RBFOX1: variants seen among roughly 807,000 people sequenced by gnomAD.
RBFOX1 encodes RNA binding protein fox-1 homolog 1.
In RBFOX1, 8 loss-of-function variants were observed where a neutral mutation model predicts 57.7. That is an observed-to-expected ratio of 0.14 (90% CI 0.08 to 0.25). The LOEUF (loss-of-function observed/expected upper bound fraction) is 0.25, where lower values mean the gene tolerates loss of function less well. Ranked by LOEUF, RBFOX1 falls within the 10% of genes least tolerant of loss-of-function variation. RBFOX1 has a pLI of 1.00. For missense variants in RBFOX1, 611 were observed against 548.5 expected (o/e 1.11, Z -1.14); for synonymous variants, 326 against 222.4 (o/e 1.47, Z -4.15).
chr16:7,170,525 G>C (rs1207497644), intron 4 of RBFOX1, among the ~76,000 whole-genome samples: 1 of 152,104 alleles, frequency 6.6e-6, no homozygotes, highest in Non-Finnish European at 1.5e-5. Context: ...TGAGTAGATG[G>C]GATTGCAAGT....
chr16:5,728,704 C>G (rs1418342079), intron 3 of RBFOX1, among the ~76,000 whole-genome samples: 4 of 152,206 alleles, frequency 2.6e-5, no homozygotes, highest in Admixed American at 2.6e-4. Flanking sequence ...CCTCCCCTCT[C>G]CATGGCTGAG....
chr16:7,586,506 T>A (rs2094134921), intron 6 of RBFOX1, among the ~76,000 whole-genome samples: 1 of 152,222 alleles, frequency 6.6e-6, no homozygotes, highest in Non-Finnish European at 1.5e-5. Flanking sequence ...TAAGTATAAG[T>A]ATGTCCCAAA....
At chr16:6,048,532 T>G (rs1480208345) in intron 1 of RBFOX1, among the ~76,000 whole-genome samples, 2 of 152,128 alleles carry the variant, frequency 1.3e-5, no homozygotes, top group Non-Finnish European at 2.9e-5. Flanking sequence ...CGTGGAAAGG[T>G]TATTATTAAT....
intron 2 of RBFOX1, among the ~76,000 whole-genome samples, chr16:6,447,413 T>A (rs1048826669): frequency 6.6e-6 from 1 of 152,224 alleles, no homozygotes; most frequent in African/African-American, 2.4e-5. Flanking sequence ...GGGAGTTATA[T>A]GAATTATATG....
At chr16:6,992,999 C>G (rs767030858) in intron 3 of RBFOX1, among the ~76,000 whole-genome samples, 1 of 152,168 alleles carries the variant, frequency 6.6e-6, no homozygotes. Context: ...GAGCCTGACC[C>G]TGGGAATAGT....
intron 2 of RBFOX1, among the ~76,000 whole-genome samples, chr16:6,502,191 G>T (rs952272082): frequency 6.6e-6 from 1 of 152,142 alleles, no homozygotes; most frequent in Non-Finnish European, 1.5e-5. Context: ...TTGTGCTTCT[G>T]TTATATCTTT....
At chr16:6,062,162 G>T (rs550855682) in intron 1 of RBFOX1, among the ~76,000 whole-genome samples, 1 of 152,156 alleles carries the variant, frequency 6.6e-6, no homozygotes, top group Non-Finnish European at 1.5e-5. Flanking sequence ...GTCTCTGGGT[G>T]CATCACCTTC....
intron 3 of RBFOX1, among the ~76,000 whole-genome samples, chr16:6,696,050 G>A (rs1218564514): frequency 6.6e-6 from 1 of 152,174 alleles, no homozygotes; most frequent in Non-Finnish European, 1.5e-5. Flanking sequence ...CCTTGCTTGA[G>A]GCAATTGTTG....
intron 3 of RBFOX1, among the ~76,000 whole-genome samples, chr16:6,979,709 A>G (rs184984956): frequency 2.0e-4 from 31 of 152,330 alleles, no homozygotes; most frequent in African/African-American, 7.5e-4. Context: ...TATTATGCTT[A>G]TAAATTTGAA....
chr16:6,828,492 C>G (rs2092411152), intron 3 of RBFOX1, among the ~76,000 whole-genome samples: 1 of 151,846 alleles, frequency 6.6e-6, no homozygotes, highest in African/African-American at 2.4e-5. Flanking sequence ...CCATTGCACT[C>G]CAGCCTGGCA....
chr16:6,866,138 A>G (rs534505817), intron 3 of RBFOX1, among the ~76,000 whole-genome samples: 26 of 152,192 alleles, frequency 1.7e-4, no homozygotes, highest in Non-Finnish European at 3.5e-4. Flanking sequence ...CTCTTTTTCT[A>G]TCTAATATGC....
intron 1 of RBFOX1, among the ~76,000 whole-genome samples, chr16:6,093,834 G>C (rs2096210282): frequency 6.6e-6 from 1 of 151,554 alleles, no homozygotes; most frequent in African/African-American, 2.4e-5. Flanking sequence ...TGCCCAGGCT[G>C]ATCTCAAACT....
chr16:6,085,174 G>C (rs545812979), intron 1 of RBFOX1, among the ~76,000 whole-genome samples: 1 of 152,120 alleles, frequency 6.6e-6, no homozygotes, highest in Non-Finnish European at 1.5e-5. Context: ...TGCAGATCCA[G>C]ACCTCTCCTC....
At chr16:6,205,113 C>T (rs1598350341) in intron 1 of RBFOX1, among the ~76,000 whole-genome samples, 1 of 152,072 alleles carries the variant, frequency 6.6e-6, no homozygotes, top group South Asian at 2.1e-4. Context: ...CTCTGTAGTC[C>T]TGTTATCTAA....
chr16:5,545,894 T>C (rs2045178150), intron 2 of RBFOX1, among the ~76,000 whole-genome samples: 1 of 152,294 alleles, frequency 6.6e-6, no homozygotes, highest in Middle Eastern at 3.4e-3. Flanking sequence ...TGTGTCTTTA[T>C]TTACAGATAG....
At chr16:6,940,664 C>G (rs940244656) in intron 3 of RBFOX1, among the ~76,000 whole-genome samples, 6 of 152,146 alleles carry the variant, frequency 3.9e-5, no homozygotes, top group Non-Finnish European at 5.9e-5. Context: ...GCGACGCGAT[C>G]TCAGCTCACT....
intron 3 of RBFOX1, among the ~76,000 whole-genome samples, chr16:7,034,890 C>T (rs1355490621): frequency 4.3e-5 from 3 of 69,270 alleles, no homozygotes; most frequent in Non-Finnish European, 8.2e-5. Context: ...GCTCTGTTGC[C>T]CAGGCTGGAG....
intron 11 of RBFOX1, among the ~76,000 whole-genome samples, chr16:7,634,612 C>T (rs1172246400): frequency 1.3e-5 from 2 of 151,996 alleles, no homozygotes; most frequent in East Asian, 3.9e-4. Flanking sequence ...ACAATGTGAC[C>T]CAGGACTCAT....
intron 3 of RBFOX1, among the ~76,000 whole-genome samples, chr16:5,688,269 G>A (rs2050563880): frequency 6.6e-6 from 1 of 152,184 alleles, no homozygotes; most frequent in South Asian, 2.1e-4. Flanking sequence ...TGTTTGGCAT[G>A]ACAATTTATT....
Sources: gnomAD v4.1 joint callset for allele counts (sites outside exome capture counted in the v4.1 genomes callset) on GRCh38, gnomAD v4.1.1 for gene constraint, MANE v1.5 for transcripts, NCBI Gene and HGNC (gene_info 2026-07-23, HGNC 2026-07-21) for gene names.